The following KDM2B variants were observed in gnomAD, a reference collection of about 807,000 sequenced individuals.
The protein encoded by KDM2B is lysine-specific demethylase 2B.
In KDM2B, 26 loss-of-function variants were observed where a neutral mutation model predicts 150.0. That is an observed-to-expected ratio of 0.17 (90% CI 0.13 to 0.24). The LOEUF is 0.24. KDM2B is among the 10% of genes least tolerant of loss of function. The probability of loss-of-function intolerance (pLI) is 1.00; values close to 1 mark genes in which losing one functional copy is unlikely to be tolerated. For synonymous variants in KDM2B, 734 were observed against 729.5 expected (o/e 1.01, Z -0.10); for missense variants, 1,265 against 1,816.9 (o/e 0.70, Z 5.52).
At chr12:121,443,219 G>A (rs1875489205) in intron 17 of KDM2B, 189 bp from the exon 18 acceptor site, 1 of 624,478 alleles carries the variant, frequency 1.6e-6, no homozygotes. Flanking sequence ...CAAGGAAGAA[G>A]CTGGAAGTAG....
At chr12:121,431,835 G>A (rs1873076878) in intron 22 of KDM2B, among the ~76,000 whole-genome samples, 1 of 151,274 alleles carries the variant, frequency 6.6e-6, no homozygotes, top group South Asian at 2.1e-4. Flanking sequence ...AACGAGAGAT[G>A]CTTCAACAGA....
At chr12:121,412,230 CTTTTTTTTTTTTTTTT>C in the KDM2B span, among the ~76,000 whole-genome samples, 1,472 of 49,702 alleles carry the variant, frequency 0.03, 46 homozygotes, top group African/African-American at 0.11. Flanking sequence ...CCCAACTAAT[CTTTTTTTTTTTTTTTT>C]TTTTTTTTTT....
intron 12 of KDM2B, among the ~76,000 whole-genome samples, chr12:121,478,550 G>A (rs1056895722): frequency 6.6e-6 from 1 of 151,506 alleles, no homozygotes; most frequent in African/African-American, 2.4e-5. Flanking sequence ...TAGTAGAGAC[G>A]GGGTTTCACC....
chr12:121,509,452 G>A (rs954358708), intron 11 of KDM2B, 115 bp downstream of exon 11: 11 of 1,496,998 alleles, frequency 7.3e-6, no homozygotes, highest in Admixed American at 4.6e-5. Flanking sequence ...GCGCCCACCC[G>A]AATGCTCAGA....
intron 12 of KDM2B, among the ~76,000 whole-genome samples, chr12:121,480,457 A>G (rs1881969305): frequency 6.6e-6 from 1 of 151,910 alleles, no homozygotes; most frequent in East Asian, 1.9e-4. Context: ...AATTAAGAAC[A>G]GGTTCAGGCC....
At chr12:121,420,115 T>C in the KDM2B span, 1 of 832,762 alleles carries the variant, frequency 1.2e-6, no homozygotes. Context: ...GTCAGCAGCA[T>C]TCTGAATCCA....
At chr12:121,411,756 A>G in the KDM2B span, among the ~76,000 whole-genome samples, 29,057 of 152,176 alleles carry the variant, frequency 0.19, 4,286 homozygotes, top group African/African-American at 0.41. Flanking sequence ...GTTTTTGTCC[A>G]TGAGGAACTT....
In KDM2B at chr12:121,549,076, TC is replaced by T; in HGVS notation, c.577-94del. ...CCGGAGAGTCCTTGGGCCCCCCCGCTCCCCCAATCTACTGTGGGCTCAATAG... is the reference window on the plus strand; with the variant it reads ...CCGGAGAGTCCTTGGGCCCCCCCGCTCCCCAATCTACTGTGGGCTCAATAG... On this transcript the variant is annotated intron_variant, in intron 5 of 22. Transcript: ENST00000377071. This position sits in a 1 kb window ranked among gnomAD's most constrained non-coding sequence, Gnocchi z 4.4. 1 of 966,020 alleles carries T rather than the reference TC, an allele frequency of 1.0e-6. No individual in the cohort carries two copies. The highest frequency in any genetic ancestry group is 1.4e-5 in the South Asian group (1 of 70,704). 59.8% of individuals were successfully genotyped at this position (966,020 alleles called of 1,614,324 possible).
In KDM2B at chr12:121,439,872, C is replaced by T. The variant is rs1216915195; in HGVS notation, c.3814G>A (p.Glu1272Lys). ...VGTTTRDSLTEINLSDCNKVT... is the reference protein window; with the variant it reads ...VGTTTRDSLTKINLSDCNKVT... ...CCTGACTCACCAGACAGGTTGATCT[C>T]GGTTAAGGAGTCTCGGGTGGTGGTG... The change falls in exon 22 of 23, where the codon GAG becomes AAG. Residue 1272 changes from glutamate to lysine, a missense_variant. This residue lies in a region of KDM2B where 251 missense variants were observed against 397.8 expected (regional missense o/e 0.63). Coordinates refer to ENST00000377071, the MANE Select transcript of KDM2B (RefSeq NM_032590.5). The T allele has an allele frequency of 3.7e-6, 6 of 1,614,026 alleles. No homozygotes were observed. The highest frequency in any genetic ancestry group is 5.1e-6 in the Non-Finnish European group (6 of 1,180,004).
In KDM2B at chr12:121,444,645, C is replaced by T. The variant is rs562217336; in HGVS notation, c.2104-109G>A. ...AGAAGCAGCAGCACCCCCTCCCCAA[C>T]GTCACATCTATCCCGTTTCCAGGCA... On this transcript the variant is annotated intron_variant, in intron 14 of 22. Transcript: ENST00000377071. The T allele has an allele frequency of 2.6e-3, 2,200 of 855,510 alleles. 6 individuals are homozygous for T. The highest frequency in any genetic ancestry group is 0.012 in the Middle Eastern group (54 of 4,612). The allele number at this position is 855,510 out of a possible 1,614,324, so 53.0% of individuals were successfully genotyped here.
At chr12:121,477,635 T>C (rs1881535071) in intron 12 of KDM2B, among the ~76,000 whole-genome samples, 1 of 150,068 alleles carries the variant, frequency 6.7e-6, no homozygotes, top group Admixed American at 6.7e-5. Context: ...TGGAGTGCGA[T>C]AGCATGATCT....
chr12:121,467,342 G>T lies in KDM2B; in HGVS notation c.1735-13998C>A. ...CGGGCTCGGGCTCCCGCTGCCGCGA[G>T]GAGGGAGCCGCGCCGCGCGCCTCGC... On this transcript the variant is annotated intron_variant, in intron 12 of 22. Coordinates refer to ENST00000377071, the MANE Select transcript of KDM2B (RefSeq NM_032590.5). The surrounding 1 kb of genome is among the most constrained non-coding windows in gnomAD (Gnocchi z 5.1). 1.0e-6 allele frequency: 1 copy of T among 981,894 alleles called. No individual in the cohort carries two copies. The highest frequency in any genetic ancestry group is 1.2e-6 in the Non-Finnish European group (1 of 828,440). 60.8% of individuals were successfully genotyped at this position (981,894 alleles called of 1,614,324 possible).
At chr12:121,476,475 T>G (rs1881393204) in intron 12 of KDM2B, among the ~76,000 whole-genome samples, 1 of 151,774 alleles carries the variant, frequency 6.6e-6, no homozygotes, top group African/African-American at 2.4e-5. Flanking sequence ...TAGTTTTTTG[T>G]TTTTTGTTTT....
At chr12:121,502,259 C>T (rs1011758557) in intron 11 of KDM2B, among the ~76,000 whole-genome samples, 1 of 152,278 alleles carries the variant, frequency 6.6e-6, no homozygotes, top group Middle Eastern at 3.4e-3. Flanking sequence ...CATTTTACTG[C>T]ATTCCTCAAG....
chr12:121,430,133 G>C lies in KDM2B; in HGVS notation c.*155C>G. Reference sequence around the variant, plus strand: ...GTGTCGGCTCACTCATCCCCCAAACGGGTGGTTGAACAGCTTCTCCCTTGG... The same window carrying C: ...GTGTCGGCTCACTCATCCCCCAAACCGGTGGTTGAACAGCTTCTCCCTTGG... On this transcript the variant is annotated 3_prime_UTR_variant, in exon 23 of 23. Coordinates refer to ENST00000377071, the MANE Select transcript of KDM2B (RefSeq NM_032590.5). This position sits in a 1 kb window ranked among gnomAD's most constrained non-coding sequence, Gnocchi z 4.4. The C allele has an allele frequency of 1.2e-6, 2 of 1,613,756 alleles. No homozygotes were observed. Among genetic ancestry groups the C allele is most frequent in the South Asian group, 1.1e-5 (1 of 91,070 alleles).
intron 12 of KDM2B, among the ~76,000 whole-genome samples, chr12:121,490,057 A>G (rs1883189060): frequency 6.6e-6 from 1 of 152,076 alleles, no homozygotes; most frequent in African/African-American, 2.4e-5. Context: ...GGCCTCTCTC[A>G]CTGAATCACG....
chr12:121,540,276 A>C (rs1275631128), intron 6 of KDM2B, among the ~76,000 whole-genome samples: 1 of 152,184 alleles, frequency 6.6e-6, no homozygotes, highest in Admixed American at 6.5e-5. Flanking sequence ...GGTCTAGTGC[A>C]TGGCCCACAG....
At chr12:121,532,190 C>T (rs1395033015) in intron 8 of KDM2B, among the ~76,000 whole-genome samples, 1 of 152,052 alleles carries the variant, frequency 6.6e-6, no homozygotes, top group African/African-American at 2.4e-5. Flanking sequence ...AGGACTATCA[C>T]CTCTCTCATC....
At chr12:121,545,791 A>G (rs1353783786) in intron 6 of KDM2B, among the ~76,000 whole-genome samples, 1 of 152,138 alleles carries the variant, frequency 6.6e-6, no homozygotes, top group Non-Finnish European at 1.5e-5. Context: ...CTGTTCTTAC[A>G]GGAAATGCAG....
Sources: gnomAD v4.1 joint callset for allele counts (sites outside exome capture counted in the v4.1 genomes callset) on GRCh38, gnomAD v4.1.1 for gene constraint, gnomAD v4.1.1 regional missense constraint, Gnocchi (gnomAD v3.1) non-coding constraint, MANE v1.5 for transcripts, NCBI Gene and HGNC (gene_info 2026-07-23, HGNC 2026-07-21) for gene names.